IL10RB: variants seen among roughly 807,000 people sequenced by gnomAD.
The protein encoded by IL10RB is interleukin 10 receptor subunit beta, also known as interleukin-10 receptor subunit beta.
IL10RB carries 30 observed loss-of-function variants against 38.7 expected under a neutral mutation model. The observed-to-expected ratio is 0.78, with a 90% CI of 0.58 to 1.05. The LOEUF is 1.05. Ranked by LOEUF, IL10RB falls within the 50% of genes least tolerant of loss-of-function variation. The pLI is 0.00. For missense variants in IL10RB, 328 were observed against 397.1 expected (o/e 0.83, Z 1.48); for synonymous variants, 142 against 145.9 (o/e 0.97, Z 0.19).
At chr21:33,271,580 T>C (rs1989081340) in intron 2 of IL10RB, among the ~76,000 whole-genome samples, 1 of 151,760 alleles carries the variant, frequency 6.6e-6, no homozygotes, top group African/African-American at 2.4e-5. Context: ...AATACAAAAT[T>C]AGCCGGGTAT....
chr21:33,270,010 C>G (rs1216769837), intron 2 of IL10RB, among the ~76,000 whole-genome samples: 1 of 152,210 alleles, frequency 6.6e-6, no homozygotes, highest in African/African-American at 2.4e-5. Flanking sequence ...CTCTCTCTCT[C>G]TCATGCCCTT....
At chr21:33,288,884 A>G (rs970630252) in intron 6 of IL10RB, among the ~76,000 whole-genome samples, 3 of 152,210 alleles carry the variant, frequency 2.0e-5, no homozygotes, top group African/African-American at 7.2e-5. Context: ...CCCGGACCCA[A>G]AGGAACTATC....
downstream of IL10RB, among the ~76,000 whole-genome samples, chr21:33,300,094 A>C (rs920424672): frequency 2.6e-5 from 4 of 152,180 alleles, no homozygotes; most frequent in African/African-American, 9.7e-5. Context: ...TGTGCCTAAT[A>C]AGATAATCCT....
At chr21:33,266,647 C>T in intron 1 of IL10RB, 133 bp downstream of exon 1, 1 of 857,748 alleles carries the variant, frequency 1.2e-6, no homozygotes, top group Admixed American at 2.4e-5. Context: ...GATGCAAACG[C>T]CACGGCCGGC....
rs567051176 is a variant in IL10RB at position 33,291,751 on chromosome 21, C to T, written c.804+3490C>T. 3.9e-5 allele frequency among the ~76,000 whole-genome samples: 6 copies of T among 152,270 alleles called. No individual in the cohort carries two copies. In the East Asian group the frequency reaches 5.8e-4, roughly 15 times the overall value. ...GCCCCTTCCAGAGTGGTGCAAGAGT[C>T]GACGTCATCAGCTTGCTACCAGGTG... On this transcript the variant is annotated intron_variant, in intron 6 of 6. Transcript: ENST00000290200.
chr21:33,298,268 G>C (rs7277902), downstream of IL10RB, among the ~76,000 whole-genome samples: 1 of 152,074 alleles, frequency 6.6e-6, no homozygotes, highest in African/African-American at 2.4e-5. Context: ...AGGGAGGGTA[G>C]ATCTGTGATT....
At chr21:33,304,058 G>A (rs2082992535) in intron 1 of IL10RB, among the ~76,000 whole-genome samples, 1 of 152,196 alleles carries the variant, frequency 6.6e-6, no homozygotes, top group African/African-American at 2.4e-5. Flanking sequence ...GAGCCCGCTA[G>A]AAAACCAGTG....
intron 3 of IL10RB, among the ~76,000 whole-genome samples, chr21:33,277,334 C>CAAAAAAAAA (rs373338629): frequency 1.5e-5 from 2 of 136,242 alleles, no homozygotes; most frequent in African/African-American, 5.6e-5. Flanking sequence ...GACTTGGTCT[C>CAAAAAAAAA]AAAAAAAAAA....
At chr21:33,292,904 T>A (rs996046040) in intron 6 of IL10RB, among the ~76,000 whole-genome samples, 1 of 152,178 alleles carries the variant, frequency 6.6e-6, no homozygotes, top group Non-Finnish European at 1.5e-5. Context: ...TGCAGGGCCC[T>A]TTCCTGCCTG....
chr21:33,291,483 C>T (rs1464899300), intron 6 of IL10RB, among the ~76,000 whole-genome samples: 1 of 152,150 alleles, frequency 6.6e-6, no homozygotes, highest in Non-Finnish European at 1.5e-5. Context: ...CCAGGCTGGT[C>T]TCAAACTCCT....
At chr21:33,308,062 A>G (rs1006965620) in intron 1 of IL10RB, 6 of 152,210 alleles carry the variant, frequency 3.9e-5, no homozygotes, top group African/African-American at 9.7e-5. Flanking sequence ...CAGGTCTTCT[A>G]TGTTCCTTTC....
At chr21:33,277,672 T>C (rs539593303) in intron 3 of IL10RB, among the ~76,000 whole-genome samples, 26 of 135,940 alleles carry the variant, frequency 1.9e-4, no homozygotes, top group African/African-American at 3.5e-4. Context: ...TTCTTTCTTT[T>C]TTTTTTTTTT....
In IL10RB at chr21:33,297,002, G is replaced by A; in HGVS notation, c.*645G>A. ...TGAGAAACAGAAATACTTAAAATGA[G>A]GAATAAGAATGGAGATGTTACATCT... On this transcript the variant is annotated 3_prime_UTR_variant, in exon 7 of 7. Transcript: ENST00000290200. 1 of 175,680 alleles carries A rather than the reference G, an allele frequency of 5.7e-6. No individual in the cohort carries two copies. The highest frequency in any genetic ancestry group is 1.6e-4 in the East Asian group (1 of 6,434). 10.9% of individuals were successfully genotyped at this position (175,680 alleles called of 1,614,324 possible).
At chr21:33,308,128 TG>T (rs2083003222) in intron 1 of IL10RB, 1 of 152,250 alleles carries the variant, frequency 6.6e-6, no homozygotes, top group African/African-American at 2.4e-5. Context: ...CCAGAAATTA[TG>T]TATACATATA....
chr21:33,268,497 T>A lies in IL10RB; in HGVS notation c.153T>A (p.Thr51=). The A allele has an allele frequency of 6.2e-7, 1 of 1,613,264 alleles. No individual in the cohort carries two copies. The change falls in exon 2 of 7, where the codon ACT becomes ACA. Residue 51 remains threonine (T), a synonymous_variant. Transcript: ENST00000290200. ...CTGCTTTTGCCAAAGGGAACCTGAC[T>A]TTCACAGCTCAGTACCTAAGGTGGG... ...ESPAFAKGNL[T]FTAQYLSYRI... is the part of the protein sequence containing the mutation.
At chr21:33,295,500 C>T (rs1717739884) in intron 6 of IL10RB, among the ~76,000 whole-genome samples, 2 of 149,466 alleles carry the variant, frequency 1.3e-5, no homozygotes, top group Admixed American at 1.3e-4. Context: ...GGTGAAACCC[C>T]ATCTCTACTA....
At chr21:33,278,027 CA>C (rs140202288) in intron 3 of IL10RB, among the ~76,000 whole-genome samples, 1 of 63,294 alleles carries the variant, frequency 1.6e-5, no homozygotes, top group African/African-American at 5.0e-5. Context: ...CCTGTCTCTA[CA>C]AAAAACAAAA....
At chr21:33,285,954 G>A (rs372573766) in intron 5 of IL10RB, among the ~76,000 whole-genome samples, 3 of 152,110 alleles carry the variant, frequency 2.0e-5, no homozygotes, top group South Asian at 2.1e-4. Flanking sequence ...TGGGCCAGAC[G>A]GCACCGCTTC....
rs1226026594 is a variant in IL10RB at position 33,268,520 on chromosome 21, G to A, written c.173+3G>A. On this transcript the variant is annotated splice_donor_region_variant and intron_variant, in intron 2 of 6. Transcript: ENST00000290200. ...ACTTTCACAGCTCAGTACCTAAGGT[G>A]GGTCTGGCCTCACTATTGGCAGGAA... 6.2e-7 allele frequency: 1 copy of A among 1,608,008 alleles called. No homozygotes were observed. The highest frequency in any genetic ancestry group is 8.5e-7 in the Non-Finnish European group (1 of 1,174,538).
Sources: allele counts gnomAD v4.1 joint callset (sites outside exome capture counted in the v4.1 genomes callset), GRCh38; gene constraint gnomAD v4.1.1; transcripts MANE v1.5; gene names NCBI Gene and HGNC (gene_info 2026-07-23, HGNC 2026-07-21).